MAGI2: variants seen among roughly 807,000 people sequenced by gnomAD.
MAGI2 encodes the protein membrane-associated guanylate kinase, WW and PDZ domain-containing protein 2.
MAGI2 carries 35 observed loss-of-function variants against 133.3 expected under a neutral mutation model. The ratio of observed to expected loss-of-function variants is 0.26; its 90% confidence interval spans 0.20 to 0.35. MAGI2 has a LOEUF of 0.35. Ranked by LOEUF, MAGI2 falls within the 10% of genes least tolerant of loss-of-function variation. The probability of loss-of-function intolerance (pLI) is 1.00; values close to 1 mark genes in which losing one functional copy is unlikely to be tolerated. For synonymous variants in MAGI2, 729 were observed against 710.6 expected, an observed-to-expected ratio of 1.03 and a Z score of -0.41; for missense variants, 1,636 against 1,863.4, an observed-to-expected ratio of 0.88 and a Z score of 2.25.
chr7:78,104,299 T>G (rs992049968), intron 20 of MAGI2, among the ~76,000 whole-genome samples: 1 of 152,028 alleles, frequency 6.6e-6, no homozygotes. Flanking sequence ...GTCGGCTCAC[T>G]GCAAGCTCCG....
At chr7:79,075,079 C>G (rs1815343234) in intron 1 of MAGI2, among the ~76,000 whole-genome samples, 1 of 152,138 alleles carries the variant, frequency 6.6e-6, no homozygotes, top group Admixed American at 6.5e-5. Flanking sequence ...CCTCCCACAA[C>G]CACACTCATG....
chr7:78,375,005 A>AT (rs370424116), intron 6 of MAGI2, among the ~76,000 whole-genome samples: 133 of 149,982 alleles, frequency 8.9e-4, no homozygotes, highest in African/African-American at 2.0e-3. Context: ...ACACCTGGCT[A>AT]TTTTTTTTTG....
At position 78,132,909 on chromosome 7, in the gene MAGI2, C is replaced by A. The variant is rs894535929; in HGVS notation, c.3183G>T (p.Gln1061His). The A allele has an allele frequency of 2.5e-6, 4 of 1,613,886 alleles. No homozygotes were observed. In the African/African-American group the frequency reaches 5.3e-5, roughly 22 times the overall value. ...IAQPAPPQPL[Q>H]LQGHENSYRS... Reference sequence around the variant, plus strand: ...TTTACCTATTTTCGTGTCCTTGCAGCTGAAGTGGTTGAGGTGGTGCTGGCT... The same window carrying A: ...TTTACCTATTTTCGTGTCCTTGCAGATGAAGTGGTTGAGGTGGTGCTGGCT... Residue 1061 changes from glutamine (Q) to histidine (H), a missense_variant, in exon 18 of 22, where the codon CAG becomes CAT. Physicochemically the swap from Gln to His is conservative, Grantham distance 24. Around this residue, in one of 5 missense-constraint regions of MAGI2, gnomAD observed 920 missense variants for 1,093.5 expected, o/e 0.84. Coordinates refer to ENST00000354212, the MANE Select transcript of MAGI2 (RefSeq NM_012301.4).
At chr7:79,011,505 A>T (rs1189161842) in intron 1 of MAGI2, among the ~76,000 whole-genome samples, 2 of 152,154 alleles carry the variant, frequency 1.3e-5, no homozygotes, top group Non-Finnish European at 2.9e-5. Flanking sequence ...TCACTCAGAC[A>T]TGACCATCAG....
Position 78,132,896 on chromosome 7 carries a change from C to T in MAGI2, c.3196G>A (p.Glu1066Lys), listed in dbSNP as rs753778899. The T allele has an allele frequency of 4.3e-6, 7 of 1,613,928 alleles. No individual in the cohort carries two copies. Among genetic ancestry groups the T allele is most frequent in the East Asian group, 2.2e-5 (1 of 44,882 alleles). The change falls in exon 18 of 22, where the codon GAA (glutamate) becomes AAA (lysine). Residue 1066 changes from glutamate to lysine, a missense_variant. By Grantham distance (56) the Glu-to-Lys change is moderately conservative. Transcript: ENST00000354212. ...PPQPLQLQGH[E>K]NSYRSEVKAR... ...AGTCAGAGGAAATTTTACCTATTTT[C>T]GTGTCCTTGCAGCTGAAGTGGTTGA...
chr7:79,362,279 A>C (rs1285760775), intron 1 of MAGI2, among the ~76,000 whole-genome samples: 1 of 152,138 alleles, frequency 6.6e-6, no homozygotes, highest in African/African-American at 2.4e-5. Flanking sequence ...ACTTAGAAGA[A>C]ATGAACCAAT....
chr7:79,232,276 A>T lies in MAGI2; in HGVS notation c.301+220744T>A, dbSNP rs369800107. ...TCTCTTTTTTGGTTGTGTCTCTGCC[A>T]GGCTTTGGTATCAGAATGATGCTGG... On this transcript the variant is annotated intron_variant, in intron 1 of 21. Transcript: ENST00000354212. Among the ~76,000 whole-genome samples the T allele has an allele frequency of 2.7e-5, 4 of 148,748 alleles. No individual in the cohort carries two copies. The South Asian group carries it at 8.7e-4, about 32-fold the overall frequency.
chr7:78,643,563 CAA>C (rs1453331758), intron 2 of MAGI2, among the ~76,000 whole-genome samples: 1 of 151,836 alleles, frequency 6.6e-6, no homozygotes, highest in African/African-American at 2.4e-5. Flanking sequence ...CTGGAGGACT[CAA>C]GTTATTAAGA....
intron 20 of MAGI2, among the ~76,000 whole-genome samples, chr7:78,096,996 G>T (rs1172528597): frequency 2.6e-5 from 4 of 151,950 alleles, no homozygotes; most frequent in African/African-American, 9.7e-5. Context: ...TTAAAAAGTG[G>T]GCAAAGGACA....
In MAGI2 at chr7:78,838,395, T is replaced by C. The variant is rs182923208; in HGVS notation, c.418+168695A>G. 4.9e-4 allele frequency among the ~76,000 whole-genome samples: 75 copies of C among 152,142 alleles called. 1 individual carries two copies. In the South Asian group the frequency reaches 0.014, roughly 29 times the overall value. On this transcript the variant is annotated intron_variant, in intron 2 of 21. Transcript: ENST00000354212. Reference sequence around the variant, plus strand: ...GAAATAGAGCAATTGATCATACATATCACTGTTACACCAACTGGCTTGTCA... The same window carrying C: ...GAAATAGAGCAATTGATCATACATACCACTGTTACACCAACTGGCTTGTCA...
At chr7:78,709,125 A>G (rs574470526) in intron 2 of MAGI2, among the ~76,000 whole-genome samples, 2 of 152,230 alleles carry the variant, frequency 1.3e-5, no homozygotes, top group South Asian at 4.1e-4. Flanking sequence ...TGATTATATT[A>G]CTACCTGTTT....
Position 79,395,283 on chromosome 7 carries a change from A to C in MAGI2, c.301+57737T>G, listed in dbSNP as rs150143433. Among the ~76,000 whole-genome samples, 350 of 152,356 alleles carry C rather than the reference A, an allele frequency of 2.3e-3. 1 individual carries two copies. Among genetic ancestry groups the C allele is most frequent in the South Asian group, 0.017 (81 of 4,832 alleles). On this transcript the variant is annotated intron_variant, in intron 1 of 21. Transcript: ENST00000354212. Reference sequence around the variant, plus strand: ...CAGAAACCATGTAATTATACAATGAACACAAAATTGTAGTTGTGAGAAATG... The same window carrying C: ...CAGAAACCATGTAATTATACAATGACCACAAAATTGTAGTTGTGAGAAATG...
intron 1 of MAGI2, among the ~76,000 whole-genome samples, chr7:79,061,716 A>T (rs1295406212): frequency 1.3e-5 from 2 of 152,082 alleles, no homozygotes; most frequent in East Asian, 3.9e-4. Flanking sequence ...CAGTAAAGAG[A>T]AGAAATTCAT....
intron 6 of MAGI2, among the ~76,000 whole-genome samples, chr7:78,476,951 A>C (rs1176716096): frequency 4.6e-5 from 7 of 152,002 alleles, no homozygotes; most frequent in Non-Finnish European, 1.0e-4. Context: ...GATGCATAGC[A>C]TTTAGGAAAC....
intron 6 of MAGI2, among the ~76,000 whole-genome samples, chr7:78,410,498 G>C (rs1256793538): frequency 6.6e-6 from 1 of 151,896 alleles, no homozygotes; most frequent in Non-Finnish European, 1.5e-5. Context: ...CCCTTTTCCA[G>C]GATGTGGATT....
At chr7:79,113,098 C>T (rs1819072552) in intron 1 of MAGI2, among the ~76,000 whole-genome samples, 1 of 152,212 alleles carries the variant, frequency 6.6e-6, no homozygotes, top group Non-Finnish European at 1.5e-5. Context: ...AAGTTTGGAT[C>T]TGCTTCCAAC....
At chr7:79,175,463 A>G (rs1201509220) in intron 1 of MAGI2, among the ~76,000 whole-genome samples, 1 of 151,938 alleles carries the variant, frequency 6.6e-6, no homozygotes, top group Non-Finnish European at 1.5e-5. Context: ...AATGGTTTCA[A>G]ATTAAAACAT....
chr7:79,221,386 A>G (rs1159703385), intron 1 of MAGI2, among the ~76,000 whole-genome samples: 1 of 152,060 alleles, frequency 6.6e-6, no homozygotes, highest in East Asian at 1.9e-4. Context: ...TAATCCTCTC[A>G]GAAACCTATG....
At chr7:79,134,867 T>A (rs1821237876) in intron 1 of MAGI2, among the ~76,000 whole-genome samples, 1 of 152,214 alleles carries the variant, frequency 6.6e-6, no homozygotes, top group Non-Finnish European at 1.5e-5. Context: ...ATTGGCTGGT[T>A]TTCAGATAAT....
Sources: allele counts gnomAD v4.1 joint callset (sites outside exome capture counted in the v4.1 genomes callset), GRCh38; gene constraint gnomAD v4.1.1; regional missense constraint gnomAD v4.1.1; transcripts MANE v1.5; gene names NCBI Gene and HGNC (gene_info 2026-07-23, HGNC 2026-07-21).